SEC63: variants seen among roughly 807,000 people sequenced by gnomAD.
The protein encoded by SEC63 is SEC63 protein translocation regulator.
SEC63 carries 56 observed loss-of-function variants against 116.2 expected under a neutral mutation model. The observed-to-expected ratio is 0.48, with a 90% CI of 0.39 to 0.60. SEC63 has a LOEUF of 0.60. SEC63 is among the 20% of genes least tolerant of loss of function. The pLI, the probability that SEC63 is intolerant of heterozygous loss-of-function variation, is 0.00. For synonymous variants in SEC63, 273 were observed against 294.6 expected (o/e 0.93, Z 0.75); for missense variants, 668 against 900.0 (o/e 0.74, Z 3.30).
chr6:107,945,520 G>A (rs1172348402), intron 1 of SEC63, among the ~76,000 whole-genome samples: 3 of 151,944 alleles, frequency 2.0e-5, no homozygotes, highest in African/African-American at 4.8e-5. Context: ...TGGCCAGGAT[G>A]GTCTCGATCT....
At chr6:107,945,907 T>A (rs999622902) in intron 1 of SEC63, among the ~76,000 whole-genome samples, 22 of 152,022 alleles carry the variant, frequency 1.4e-4, no homozygotes, top group African/African-American at 5.3e-4. Context: ...ATGCAGGCGG[T>A]TTTTTTCCTG....
At chr6:107,877,530 G>A (rs2114397323) in intron 18 of SEC63, 1 of 152,202 alleles carries the variant, frequency 6.6e-6, no homozygotes, top group East Asian at 1.9e-4. Flanking sequence ...TGCAACCTCT[G>A]CCTCTGGGGC....
At chr6:107,873,289 C>G (rs1405674964) in intron 19 of SEC63, among the ~76,000 whole-genome samples, 2 of 152,134 alleles carry the variant, frequency 1.3e-5, no homozygotes, top group Non-Finnish European at 2.9e-5. Context: ...ATAGGAGATA[C>G]TTCCTGCCAA....
In SEC63 at chr6:107,924,834, A is replaced by G. The variant is rs778264712; in HGVS notation, c.323T>C (p.Val108Ala). The change falls in exon 3 of 21, where the codon GTA (valine) becomes GCA (alanine). Residue 108 changes from valine to alanine, a missense_variant. Physicochemically the swap from Val to Ala is moderately conservative, Grantham distance 64 (BLOSUM62 0). Transcript: ENST00000369002. ...REYQEYNPYE[V>A]LNLDPGATVA... is the part of the protein sequence containing the mutation. The stretch of plus-strand genomic sequence containing the variant: ...ACTACTTACAGGATCCAAATTTAAT[A>G]CTTCATAAGGATTGTATTCTTGGTA... 1 of 1,533,864 alleles carries G rather than the reference A, an allele frequency of 6.5e-7. No individual in the cohort carries two copies.
Position 107,892,275 on chromosome 6 carries a change from G to C in SEC63, c.1674+1207C>G, listed in dbSNP as rs9400157. On this transcript the variant is annotated intron_variant, in intron 16 of 20. Transcript: ENST00000369002. Reference sequence around the variant, plus strand: ...GAGAGGAGGCAGTCTGGCCGCAGTAGCCTTGCTGAGCTCAGCATCATCTAT... The same window carrying C: ...GAGAGGAGGCAGTCTGGCCGCAGTACCCTTGCTGAGCTCAGCATCATCTAT... Among the ~76,000 whole-genome samples, 2,285 of 152,208 alleles carry C rather than the reference G, an allele frequency of 0.015. 105 individuals carry two copies. The East Asian group carries it at 0.16, about 11-fold the overall frequency.
At chr6:107,889,425 A>G (rs1786619088) in intron 16 of SEC63, among the ~76,000 whole-genome samples, 1 of 152,108 alleles carries the variant, frequency 6.6e-6, no homozygotes, top group South Asian at 2.1e-4. Context: ...TTTCTGTGGG[A>G]TCAGTGGTGA....
At chr6:107,950,240 TAAACATTTAC>T (rs551285381) in intron 1 of SEC63, among the ~76,000 whole-genome samples, 212 of 152,294 alleles carry the variant, frequency 1.4e-3, no homozygotes, top group African/African-American at 4.8e-3. Context: ...ATAACATTTA[TAAACATTTAC>T]GTATCTAATG....
intron 1 of SEC63, among the ~76,000 whole-genome samples, chr6:107,948,970 C>T (rs1244479958): frequency 6.6e-6 from 1 of 152,192 alleles, no homozygotes; most frequent in Non-Finnish European, 1.5e-5. Context: ...TGGGGAATCA[C>T]TCTGTGGTTC....
At chr6:107,875,926 A>G (rs1262592528) in intron 19 of SEC63, among the ~76,000 whole-genome samples, 1 of 152,152 alleles carries the variant, frequency 6.6e-6, no homozygotes, top group Non-Finnish European at 1.5e-5. Context: ...TTATTAACCT[A>G]TTTCATGCAT....
chr6:107,888,725 G>A (rs1786599683), intron 16 of SEC63, among the ~76,000 whole-genome samples: 1 of 152,120 alleles, frequency 6.6e-6, no homozygotes, highest in Non-Finnish European at 1.5e-5. Context: ...TACTGGCTGT[G>A]GGTTTGTCAT....
intron 2 of SEC63, among the ~76,000 whole-genome samples, chr6:107,928,488 CA>C (rs764402389): frequency 0.015 from 1,275 of 84,708 alleles, 15 homozygotes; most frequent in African/African-American, 0.043. Context: ...GACTCTGTCT[CA>C]AAAAAAAAAA....
chr6:107,887,834 A>T (rs1369582285), intron 16 of SEC63, among the ~76,000 whole-genome samples: 2 of 152,178 alleles, frequency 1.3e-5, no homozygotes, highest in Non-Finnish European at 1.5e-5. Context: ...TCCCAATACC[A>T]TTTATTAAAT....
At chr6:107,897,369 T>C (rs1273151823) in intron 14 of SEC63, among the ~76,000 whole-genome samples, 2 of 152,240 alleles carry the variant, frequency 1.3e-5, no homozygotes, top group Non-Finnish European at 2.9e-5. Context: ...TAACAACTTC[T>C]GTATAGCACT....
chr6:107,921,914 G>GAA lies in SEC63; in HGVS notation c.340-6_340-5insTT. Reference sequence around the variant, plus strand: ...AATTTCTGCTACTGTGGCTCCCTGGGGAAAAACAAAAAAAAAAAACAAGCT... The same window carrying GAA: ...AATTTCTGCTACTGTGGCTCCCTGGGAAGAAAAACAAAAAAAAAAAACAAGCT... On this transcript the variant is annotated splice_region_variant and splice_polypyrimidine_tract_variant and intron_variant, in intron 3 of 20. Coordinates refer to ENST00000369002, the MANE Select transcript of SEC63 (RefSeq NM_007214.5). The GAA allele has an allele frequency of 7.5e-7, 1 of 1,329,026 alleles. No individual in the cohort carries two copies. Among genetic ancestry groups the GAA allele is most frequent in the African/African-American group, 3.2e-5 (1 of 31,430 alleles). 82.3% of individuals were successfully genotyped at this position (1,329,026 alleles called of 1,614,324 possible). A position where few individuals can be genotyped will look rare whatever the true frequency, so the allele number is the denominator to read the frequency against.
chr6:107,885,875 A>G (rs543092612), intron 16 of SEC63, among the ~76,000 whole-genome samples: 2 of 152,250 alleles, frequency 1.3e-5, no homozygotes, highest in Non-Finnish European at 2.9e-5. Flanking sequence ...TTTTAAAATT[A>G]TACTTAAAGT....
intron 1 of SEC63, among the ~76,000 whole-genome samples, chr6:107,937,666 G>A (rs190101088): frequency 6.6e-5 from 10 of 152,264 alleles, no homozygotes; most frequent in African/African-American, 2.2e-4. Context: ...CACCAGCAGC[G>A]TATAAGTGTT....
At chr6:107,926,799 GTATGTTTTACA>G (rs1332611529) in intron 2 of SEC63, among the ~76,000 whole-genome samples, 3 of 152,038 alleles carry the variant, frequency 2.0e-5, no homozygotes, top group African/African-American at 7.2e-5. Flanking sequence ...ATGCTAAACC[GTATGTTTTACA>G]TGGAGCATCC....
chr6:107,899,337 T>C (rs1249559121), intron 13 of SEC63, among the ~76,000 whole-genome samples: 2 of 152,166 alleles, frequency 1.3e-5, no homozygotes, highest in Non-Finnish European at 2.9e-5. Flanking sequence ...AGTGGATCCA[T>C]GGTAATATTT....
intron 13 of SEC63, among the ~76,000 whole-genome samples, chr6:107,898,113 A>C (rs1415496287): frequency 6.6e-6 from 1 of 152,032 alleles, no homozygotes; most frequent in East Asian, 1.9e-4. Flanking sequence ...AAAATACAAA[A>C]ATTAGCCAGG....
Sources: gnomAD v4.1 joint callset for allele counts (sites outside exome capture counted in the v4.1 genomes callset) on GRCh38, gnomAD v4.1.1 for gene constraint, MANE v1.5 for transcripts, NCBI Gene and HGNC (gene_info 2026-07-23, HGNC 2026-07-21) for gene names.